The following DLK1 variants were observed in gnomAD, a reference collection of about 807,000 sequenced individuals.
DLK1 encodes delta like non-canonical Notch ligand 1, also known as protein delta homolog 1.
Under a neutral mutation model 35.2 loss-of-function variants are expected in DLK1, and 9 were observed. That is an observed-to-expected ratio of 0.26 (90% CI 0.15 to 0.45). The LOEUF (loss-of-function observed/expected upper bound fraction) is 0.45, where lower values mean the gene tolerates loss of function less well. Ranked by LOEUF, DLK1 falls within the 20% of genes least tolerant of loss-of-function variation. The pLI, the probability that DLK1 is intolerant of heterozygous loss-of-function variation, is 1.00. For synonymous variants in DLK1, 231 were observed against 228.4 expected, an observed-to-expected ratio of 1.01 and a Z score of -0.10; for missense variants, 522 against 528.5, an observed-to-expected ratio of 0.99 and a Z score of 0.12.
In DLK1 at chr14:100,735,594, C is replaced by T. The variant is rs144338079; in HGVS notation, c.*698C>T. On this transcript the variant is annotated 3_prime_UTR_variant, in exon 5 of 5. Transcript: ENST00000341267. Reference sequence around the variant, plus strand: ...GGGTTTGAACACCGACCACCATGGTCCTCTCTGGCTCTAAAACTCTGAATT... The same window carrying T: ...GGGTTTGAACACCGACCACCATGGTTCTCTCTGGCTCTAAAACTCTGAATT... 3.9e-5 allele frequency: 6 copies of T among 152,252 alleles called. No individual in the cohort carries two copies. Among genetic ancestry groups the T allele is most frequent in the African/African-American group, 7.2e-5 (3 of 41,544 alleles). 9.4% of individuals were successfully genotyped at this position (152,252 alleles called of 1,614,324 possible).
At chr14:100,731,176 G>A (rs995561750) in intron 3 of DLK1, among the ~76,000 whole-genome samples, 19 of 152,312 alleles carry the variant, frequency 1.2e-4, no homozygotes, top group African/African-American at 3.1e-4. Context: ...GCAGCAGGCC[G>A]GATACAGGGC....
chr14:100,728,513 G>T, intron 2 of DLK1, 54 bp downstream of exon 2: 1 of 1,596,586 alleles, frequency 6.3e-7, no homozygotes, highest in Non-Finnish European at 8.6e-7. Flanking sequence ...GAAGCCTGGG[G>T]AGTCGTGAAG....
At chr14:100,731,122 A>G (rs1173974780) in intron 3 of DLK1, among the ~76,000 whole-genome samples, 1 of 152,154 alleles carries the variant, frequency 6.6e-6, no homozygotes, top group Non-Finnish European at 1.5e-5. Context: ...AAGTAGGGAA[A>G]CTGAGGCCCA....
Position 100,734,833 on chromosome 14 carries a change from CA to C in DLK1, c.1090del (p.Ile364SerfsTer8). 6.2e-7 allele frequency: 1 copy of C among 1,612,998 alleles called. No homozygotes were observed. Among genetic ancestry groups the C allele is most frequent in the Non-Finnish European group, 8.5e-7 (1 of 1,179,746 alleles). Reference protein sequence around the residue: ...NSGEDLAVNIIFPEKIDMTTF... With the variant: ...NSGEDLAVNIXFPEKIDMTTF... ...GCGGGGAGGACCTGGCCGTCAACAT[CA>C]TCTTCCCCGAGAAGATCGACATGAC... On this transcript the variant is annotated frameshift_variant, in exon 5 of 5. Coordinates refer to ENST00000341267, the MANE Select transcript of DLK1 (RefSeq NM_003836.7). LOFTEE classifies it high-confidence loss of function. The surrounding 1 kb of genome is among the most constrained non-coding windows in gnomAD (Gnocchi z 7.4).
At chr14:100,730,316 C>A (rs2139860244) in intron 3 of DLK1, among the ~76,000 whole-genome samples, 1 of 152,274 alleles carries the variant, frequency 6.6e-6, no homozygotes, top group Admixed American at 6.5e-5. Context: ...AGCTTGGAGC[C>A]CATCTTTTTG....
chr14:100,733,529 C>A (rs2036532546), intron 4 of DLK1, among the ~76,000 whole-genome samples: 1 of 152,056 alleles, frequency 6.6e-6, no homozygotes. Flanking sequence ...CTTTGAGAGT[C>A]CCCAAGCGCT....
At chr14:100,727,543 GC>G (rs1395259612) in intron 1 of DLK1, among the ~76,000 whole-genome samples, 1 of 152,160 alleles carries the variant, frequency 6.6e-6, no homozygotes, top group Non-Finnish European at 1.5e-5. Context: ...TGCCGTCTTA[GC>G]CCCCAATTCC....
chr14:100,732,475 G>A (rs962867369), intron 4 of DLK1, among the ~76,000 whole-genome samples: 4 of 152,226 alleles, frequency 2.6e-5, no homozygotes, highest in Non-Finnish European at 5.9e-5. Context: ...TCGGAGCTGC[G>A]TAATTTTCTA....
rs1423664544 is a variant in DLK1, at chr14:100,737,209, C to G, written c.*2313C>G. The G allele has an allele frequency of 6.9e-6, 1 of 143,906 alleles. No individual in the cohort carries two copies. Among genetic ancestry groups the G allele is most frequent in the Admixed American group, 7.0e-5 (1 of 14,224 alleles). 8.9% of individuals were successfully genotyped at this position (143,906 alleles called of 1,614,324 possible). The stretch of plus-strand genomic sequence containing the variant: ...CAATCTCTGACAACCGCCCCAAGTC[C>G]CTCTTCCTTCCCCACGAAGTCATTC... On this transcript the variant is annotated 3_prime_UTR_variant, in exon 5 of 5. Transcript: ENST00000341267.
At chr14:100,728,619 G>A in intron 2 of DLK1, 160 bp downstream of exon 2, 1 of 229,864 alleles carries the variant, frequency 4.4e-6, no homozygotes, top group Non-Finnish European at 8.8e-6. Flanking sequence ...GGGAGATGGG[G>A]GGGGCGGGGG....
chr14:100,728,747 C>T, intron 2 of DLK1, 189 bp from the exon 3 acceptor site: 3 of 866,062 alleles, frequency 3.5e-6, no homozygotes, highest in Non-Finnish European at 5.4e-6. Context: ...TCCAAGTCGG[C>T]CCCCTCAGCT....
intron 3 of DLK1, among the ~76,000 whole-genome samples, chr14:100,730,328 T>C (rs970191401): frequency 1.3e-5 from 2 of 152,172 alleles, no homozygotes; most frequent in Non-Finnish European, 2.9e-5. Context: ...ATCTTTTTGG[T>C]ATCTAAATGC....
Position 100,729,007 on chromosome 14 carries a change from G to A in DLK1, c.203G>A (p.Cys68Tyr). 6.2e-7 allele frequency: 1 copy of A among 1,614,100 alleles called. No individual in the cohort carries two copies. The highest frequency in any genetic ancestry group is 8.5e-7 in the Non-Finnish European group (1 of 1,180,038). Residue 68 changes from cysteine (C) to tyrosine (Y), a missense_variant, in exon 3 of 5, where the codon TGT becomes TAT. Cys to Tyr is a radical substitution (Grantham distance 194). Coordinates refer to ENST00000341267, the MANE Select transcript of DLK1 (RefSeq NM_003836.7). Reference sequence around the variant, plus strand: ...TCTCCCGGCTGCCTTCACGGACTCTGTGGAGAACCCGGGCAGTGCATTTGC... The same window carrying A: ...TCTCCCGGCTGCCTTCACGGACTCTATGGAGAACCCGGGCAGTGCATTTGC... ...VTSPGCLHGLCGEPGQCICTD... is the reference protein window; with the variant it reads ...VTSPGCLHGLYGEPGQCICTD...
chr14:100,732,862 C>T (rs557546922), intron 4 of DLK1, among the ~76,000 whole-genome samples: 57 of 152,334 alleles, frequency 3.7e-4, no homozygotes, highest in Admixed American at 2.5e-3. Flanking sequence ...TGGGGCTTAG[C>T]CTGAAGCCAA....
intron 2 of DLK1, 173 bp from the exon 3 acceptor site, chr14:100,728,763 T>G: frequency 1.7e-5 from 16 of 930,240 alleles, no homozygotes; most frequent in Non-Finnish European, 2.4e-5. Context: ...CAGCTTGGCA[T>G]GTTTTCTCTT....
rs2036441568 is a variant in DLK1 at position 100,727,011 on chromosome 14, C to T, written c.-58C>T. ...CCGCAACCAGAAGCCCAGTGCGGCG[C>T]CAGGAGCCGGACCCGCGCCCGCACC... On this transcript the variant is annotated 5_prime_UTR_variant, in exon 1 of 5. Transcript: ENST00000341267. 1 of 1,484,130 alleles carries T rather than the reference C, an allele frequency of 6.7e-7. No individual in the cohort carries two copies. Among genetic ancestry groups the T allele is most frequent in the Non-Finnish European group, 8.9e-7 (1 of 1,118,138 alleles). The allele number at this position is 1,484,130 out of a possible 1,614,324, so 91.9% of individuals were successfully genotyped here.
chr14:100,728,361 G>A (rs1296381034), intron 1 of DLK1, 35 bp from the exon 2 acceptor site: 6 of 1,612,614 alleles, frequency 3.7e-6, no homozygotes, highest in East Asian at 2.2e-5. Flanking sequence ...CTGGGGCCTG[G>A]TGGGGTGAAT....
At chr14:100,727,234 A>T in intron 1 of DLK1, 99 bp downstream of exon 1, 1 of 1,240,392 alleles carries the variant, frequency 8.1e-7, no homozygotes, top group Non-Finnish European at 1.1e-6. Context: ...GTGAGCCCCA[A>T]CTCCGCCCGT....
intron 3 of DLK1, chr14:100,729,354 C>T (rs1244409053): frequency 3.1e-6 from 2 of 635,778 alleles, no homozygotes; most frequent in African/African-American, 1.8e-5. Flanking sequence ...TCACAAAATA[C>T]ACATACAGCT....
Sources: gnomAD v4.1 joint callset for allele counts (sites outside exome capture counted in the v4.1 genomes callset) on GRCh38, gnomAD v4.1.1 for gene constraint, Gnocchi (gnomAD v3.1) non-coding constraint, MANE v1.5 for transcripts, NCBI Gene and HGNC (gene_info 2026-07-23, HGNC 2026-07-21) for gene names.